Variants in DMXL2 observed in about 807,000 individuals in gnomAD.
DMXL2 encodes the protein dmX-like protein 2.
In DMXL2, 103 loss-of-function variants were observed where a neutral mutation model predicts 331.1. That is an observed-to-expected ratio of 0.31 (90% confidence interval 0.27 to 0.37). DMXL2 has a LOEUF of 0.37. Ranked by LOEUF, DMXL2 falls within the 10% of genes least tolerant of loss-of-function variation. The pLI is 1.00. For synonymous variants in DMXL2, 1,281 were observed against 1,252.1 expected (o/e 1.02, Z -0.49); for missense variants, 3,171 against 3,642.9 (o/e 0.87, Z 3.33).
At chr15:51,556,471 T>C (rs2049596042) in intron 6 of DMXL2, among the ~76,000 whole-genome samples, 1 of 151,394 alleles carries the variant, frequency 6.6e-6, no homozygotes, top group Non-Finnish European at 1.5e-5. Flanking sequence ...TATTTCATCT[T>C]ATTAAAAAAT....
intron 18 of DMXL2, among the ~76,000 whole-genome samples, chr15:51,498,075 A>G (rs894645055): frequency 3.9e-5 from 6 of 152,130 alleles, no homozygotes; most frequent in African/African-American, 1.4e-4. Flanking sequence ...CCTACAAAAA[A>G]AATAAAAAGA....
At chr15:51,497,480 G>A (rs915537539) in intron 18 of DMXL2, among the ~76,000 whole-genome samples, 1 of 152,118 alleles carries the variant, frequency 6.6e-6, no homozygotes, top group East Asian at 1.9e-4. Context: ...CATAATAATA[G>A]CTATCTGCTA....
At chr15:51,568,305 T>C (rs1212445455) in intron 3 of DMXL2, 182 bp downstream of exon 3, 8 of 491,330 alleles carry the variant, frequency 1.6e-5, no homozygotes, top group Non-Finnish European at 2.2e-5. Context: ...CTTGGGTTTC[T>C]AAAAGCACTA....
At chr15:51,561,283 C>T (rs988588088) in intron 6 of DMXL2, among the ~76,000 whole-genome samples, 2 of 152,154 alleles carry the variant, frequency 1.3e-5, no homozygotes, top group South Asian at 2.1e-4. Flanking sequence ...AATGTCGTAG[C>T]GTTAGTTGGA....
chr15:51,458,734 A>G lies in DMXL2; in HGVS notation c.8051T>C (p.Met2684Thr), dbSNP rs138510574. 21 of 1,613,970 alleles carry G rather than the reference A, an allele frequency of 1.3e-5. No individual in the cohort carries two copies. Among genetic ancestry groups the G allele is most frequent in the Non-Finnish European group, 1.8e-5 (21 of 1,179,962 alleles). Residue 2684 changes from methionine (M) to threonine (T), a missense_variant, in exon 35 of 44, where the codon ATG becomes ACG. Met to Thr is a moderately conservative substitution (Grantham distance 81). This residue lies in a region of DMXL2 where 766 missense variants were observed against 940.5 expected (regional missense o/e 0.81). Transcript: ENST00000560891. ...KAKVIHKESD[M>T]IMAFSVNKAN... ...CTTATTAACAGAAAATGCCATGATC[A>G]TATCAGATTCCTTATGGATGACTTT...
chr15:51,510,591 C>G (rs1403120406), intron 15 of DMXL2, among the ~76,000 whole-genome samples: 1 of 152,056 alleles, frequency 6.6e-6, no homozygotes. Flanking sequence ...AGGAAAAAAT[C>G]AATATTGTGA....
chr15:51,473,907 C>T (rs1026919571), intron 28 of DMXL2, among the ~76,000 whole-genome samples: 1 of 152,096 alleles, frequency 6.6e-6, no homozygotes, highest in African/African-American at 2.4e-5. Context: ...CATGACCATA[C>T]ATTTAATCTG....
intron 14 of DMXL2, among the ~76,000 whole-genome samples, chr15:51,515,427 A>C (rs2046981159): frequency 6.6e-6 from 1 of 152,146 alleles, no homozygotes; most frequent in Non-Finnish European, 1.5e-5. Flanking sequence ...GAAAGAAATA[A>C]AAGGATTATA....
intron 13 of DMXL2, among the ~76,000 whole-genome samples, chr15:51,521,455 AGTAGTAGTGGTAGTG>A (rs1276494008): frequency 2.5e-4 from 37 of 147,062 alleles, no homozygotes; most frequent in African/African-American, 9.3e-4. Flanking sequence ...TAGTAGTAGT[AGTAGTAGTGGTAGTG>A]GTAGTAGTAG....
intron 9 of DMXL2, among the ~76,000 whole-genome samples, chr15:51,541,513 G>A (rs554708318): frequency 6.6e-6 from 1 of 151,964 alleles, no homozygotes; most frequent in East Asian, 1.9e-4. Context: ...CGGGGCCAGT[G>A]GCTACTCTAT....
intron 6 of DMXL2, among the ~76,000 whole-genome samples, chr15:51,556,360 A>G (rs947006047): frequency 2.6e-5 from 4 of 151,318 alleles, no homozygotes; most frequent in Admixed American, 6.6e-5. Flanking sequence ...AAAAAGAAAA[A>G]AAAAAAAAAA....
intron 9 of DMXL2, among the ~76,000 whole-genome samples, chr15:51,540,403 G>T (rs1344128761): frequency 6.6e-6 from 1 of 152,140 alleles, no homozygotes; most frequent in East Asian, 1.9e-4. Context: ...TAAATATTTA[G>T]GTAATGGAAA....
chr15:51,475,748 A>G (rs1351676320), intron 27 of DMXL2, among the ~76,000 whole-genome samples: 2 of 152,212 alleles, frequency 1.3e-5, no homozygotes, highest in Admixed American at 1.3e-4. Flanking sequence ...TAGATTAGAG[A>G]ACATAAATGT....
intron 1 of DMXL2, among the ~76,000 whole-genome samples, chr15:51,593,560 C>T (rs1449011127): frequency 6.6e-6 from 1 of 152,178 alleles, no homozygotes; most frequent in Non-Finnish European, 1.5e-5. Context: ...CTGCACCAAG[C>T]AGACCTAATA....
chr15:51,561,966 T>G (rs7161973), intron 6 of DMXL2, among the ~76,000 whole-genome samples: 1 of 151,948 alleles, frequency 6.6e-6, no homozygotes, highest in Non-Finnish European at 1.5e-5. Flanking sequence ...CTCAATCTTA[T>G]GTGGGAGCTA....
chr15:51,464,159 T>C lies in DMXL2; in HGVS notation c.7808+516A>G, dbSNP rs143450111. 1.5e-4 allele frequency among the ~76,000 whole-genome samples: 23 copies of C among 152,296 alleles called. No homozygotes were observed. The East Asian group carries it at 2.1e-3, about 14-fold the overall frequency. On this transcript the variant is annotated intron_variant, in intron 32 of 43. Transcript: ENST00000560891. ...GGCACATGCCTGTAATCCCAGCACT[T>C]TGGGAGGCCAAGACCAGGGACTGCT...
rs1401462234 is a variant in DMXL2 at position 51,508,871 on chromosome 15, T to C, written c.2645-1618A>G. 7.2e-5 allele frequency among the ~76,000 whole-genome samples: 11 copies of C among 152,180 alleles called. 1 individual carries two copies. The highest frequency in any genetic ancestry group is 5.2e-4 in the Admixed American group (8 of 15,282). On this transcript the variant is annotated intron_variant, in intron 15 of 43. Coordinates refer to ENST00000560891, the MANE Select transcript of DMXL2 (RefSeq NM_001378457.1). ...AATAAATAAATGAGAACTGATAAAA[T>C]TGGAAAATCATAATTTTTCAATCCC...
chr15:51,499,786 A>T lies in DMXL2; in HGVS notation c.3438T>A (p.Phe1146Leu). The T allele has an allele frequency of 2.5e-6, 4 of 1,614,172 alleles. No homozygotes were observed. Among genetic ancestry groups the T allele is most frequent in the Non-Finnish European group, 3.4e-6 (4 of 1,180,010 alleles). The change falls in exon 18 of 44, where the codon TTT becomes TTA. Residue 1146 changes from phenylalanine to leucine, a missense_variant. Phe to Leu is a conservative substitution (Grantham distance 22). This residue lies in a region of DMXL2 where 1,674 missense variants were observed against 1,780.2 expected (regional missense o/e 0.94). Transcript: ENST00000560891. Reference sequence around the variant, plus strand: ...AGAGTGCATCTGACTTGCTATACACAAACAGATTACTGTCGACGCTGACCC... The same window carrying T: ...AGAGTGCATCTGACTTGCTATACACTAACAGATTACTGTCGACGCTGACCC... ...DSRVSVDSNLFVYSKSDALLS... is the reference protein window; with the variant it reads ...DSRVSVDSNLLVYSKSDALLS...
At chr15:51,465,731 GT>G in intron 30 of DMXL2, 80 bp from the exon 31 acceptor site, 1 of 1,031,980 alleles carries the variant, frequency 9.7e-7, no homozygotes, top group Non-Finnish European at 1.4e-6. Flanking sequence ...CCTGCCAACT[GT>G]TTAGCCCACT....
Sources: gnomAD v4.1 joint callset for allele counts (sites outside exome capture counted in the v4.1 genomes callset) on GRCh38, gnomAD v4.1.1 for gene constraint, gnomAD v4.1.1 regional missense constraint, MANE v1.5 for transcripts, NCBI Gene and HGNC (gene_info 2026-07-23, HGNC 2026-07-21) for gene names.